Variants in INPP4A observed in about 807,000 individuals in gnomAD.
INPP4A encodes the protein inositol polyphosphate-4-phosphatase, type I, 107kD.
INPP4A carries 33 observed loss-of-function variants against 119.8 expected under a neutral mutation model. That is an observed-to-expected ratio of 0.28 (90% CI 0.21 to 0.37). The LOEUF is 0.37. Among genes scored for constraint, INPP4A ranks in the 10% least tolerant of loss-of-function variants. The pLI, the probability that INPP4A is intolerant of heterozygous loss-of-function variation, is 1.00. For synonymous variants in INPP4A, 496 were observed against 500.7 expected, an observed-to-expected ratio of 0.99 and a Z score of 0.12; for missense variants, 956 against 1,289.9, an observed-to-expected ratio of 0.74 and a Z score of 3.97.
At chr2:98,463,363 G>A (rs545954643) in intron 1 of INPP4A, among the ~76,000 whole-genome samples, 1 of 152,372 alleles carries the variant, frequency 6.6e-6, no homozygotes, top group East Asian at 1.9e-4. Context: ...CATTTCAGCT[G>A]TGATGGTGTC....
intron 20 of INPP4A, 45 bp from the exon 21 acceptor site, chr2:98,565,984 G>C (rs531791579): frequency 7.0e-6 from 11 of 1,574,612 alleles, no homozygotes; most frequent in African/African-American, 5.5e-5. Context: ...CTGCTCGGTG[G>C]CCCTCTGGCC....
At chr2:98,504,837 G>C (rs916798122) in intron 1 of INPP4A, among the ~76,000 whole-genome samples, 6 of 152,148 alleles carry the variant, frequency 3.9e-5, no homozygotes, top group Non-Finnish European at 1.5e-5. Flanking sequence ...TGCTCTTAAC[G>C]TGGCGCTGTA....
At chr2:98,567,661 TGCAAAGGGCA>T (rs1266808608) in intron 21 of INPP4A, among the ~76,000 whole-genome samples, 1 of 152,150 alleles carries the variant, frequency 6.6e-6, no homozygotes, top group Non-Finnish European at 1.5e-5. Context: ...AGAGAGGACT[TGCAAAGGGCA>T]GGTTCTTGAC....
chr2:98,490,414 A>G (rs1412982266), intron 1 of INPP4A, among the ~76,000 whole-genome samples: 1 of 151,938 alleles, frequency 6.6e-6, no homozygotes, highest in Non-Finnish European at 1.5e-5. Context: ...TTGTGTGAAG[A>G]CGAAGGTGCC....
chr2:98,456,784 T>C (rs899038819), intron 1 of INPP4A, among the ~76,000 whole-genome samples: 2 of 152,218 alleles, frequency 1.3e-5, no homozygotes, highest in Non-Finnish European at 2.9e-5. Flanking sequence ...TTTGTGACTA[T>C]TATTGTAGGT....
rs79548431 is a variant in INPP4A at position 98,544,338 on chromosome 2, A to C, written c.949+331A>C. ...CGAAATCCCGGGCTATTACTGCTTCATGTTGTTTCTTCATCTTGGACTAAT... is the reference window on the plus strand; with the variant it reads ...CGAAATCCCGGGCTATTACTGCTTCCTGTTGTTTCTTCATCTTGGACTAAT... On this transcript the variant is annotated intron_variant, in intron 11 of 24. Coordinates refer to ENST00000409851, the MANE Select transcript of INPP4A (RefSeq NM_001134225.2). Among the ~76,000 whole-genome samples the C allele has an allele frequency of 6.5e-4, 99 of 152,348 alleles. 2 individuals carry two copies. In the East Asian group the frequency reaches 0.01, roughly 15 times the overall value.
intron 10 of INPP4A, among the ~76,000 whole-genome samples, chr2:98,539,979 C>T (rs1174450169): frequency 6.6e-6 from 1 of 152,156 alleles, no homozygotes; most frequent in Admixed American, 6.5e-5. Flanking sequence ...GTCGCTCAGG[C>T]TGGAGTGCAG....
chr2:98,559,723 C>G (rs1216607489), intron 17 of INPP4A, among the ~76,000 whole-genome samples: 1 of 152,198 alleles, frequency 6.6e-6, no homozygotes, highest in African/African-American at 2.4e-5. Flanking sequence ...TTGTTTTACT[C>G]TTACATTCTA....
At chr2:98,487,941 T>C (rs546510003) in intron 1 of INPP4A, among the ~76,000 whole-genome samples, 5 of 152,336 alleles carry the variant, frequency 3.3e-5, no homozygotes, top group African/African-American at 1.2e-4. Flanking sequence ...TACCTTCCTG[T>C]GGCAGTGTTA....
intron 1 of INPP4A, among the ~76,000 whole-genome samples, chr2:98,481,626 G>T (rs1678486361): frequency 6.6e-6 from 1 of 152,162 alleles, no homozygotes; most frequent in Admixed American, 6.5e-5. Context: ...CAGATTAATG[G>T]GGAAGGAAGG....
intron 24 of INPP4A, among the ~76,000 whole-genome samples, chr2:98,582,902 G>C (rs1198584338): frequency 6.6e-6 from 1 of 151,144 alleles, no homozygotes; most frequent in East Asian, 2.0e-4. Context: ...ACCAGACACA[G>C]AAAGATCACC....
At chr2:98,495,633 A>C (rs1681769200) in intron 1 of INPP4A, among the ~76,000 whole-genome samples, 1 of 152,250 alleles carries the variant, frequency 6.6e-6, no homozygotes, top group Non-Finnish European at 1.5e-5. Context: ...ATGGGACTTC[A>C]GCTTATAGGT....
At position 98,572,885 on chromosome 2, in the gene INPP4A, C is replaced by T. The variant is rs1297184227; in HGVS notation, c.2589C>T (p.Ala863=). 3 of 1,580,568 alleles carry T rather than the reference C, an allele frequency of 1.9e-6. 1 individual carries two copies. The South Asian group carries it at 3.5e-5, about 18-fold the overall frequency. The change falls in exon 23 of 25, where the codon GCC becomes GCT. Residue 863 remains alanine, a synonymous_variant. Coordinates refer to ENST00000409851, the MANE Select transcript of INPP4A (RefSeq NM_001134225.2). Reference sequence around the variant, plus strand: ...GGTTTCTGGGTCAGAACGTGCATGCCCGGAAGAATAAGAACGTCGACATTC... The same window carrying T: ...GGTTTCTGGGTCAGAACGTGCATGCTCGGAAGAATAAGAACGTCGACATTC... The part of the protein sequence containing the change: ...LLRFLGQNVH[A]RKNKNVDILW...
intron 1 of INPP4A, among the ~76,000 whole-genome samples, chr2:98,456,874 T>C (rs1696230148): frequency 6.6e-6 from 1 of 152,246 alleles, no homozygotes; most frequent in South Asian, 2.1e-4. Flanking sequence ...TATTTAATTA[T>C]TCTTTAATTA....
intron 1 of INPP4A, among the ~76,000 whole-genome samples, chr2:98,483,810 AAGGTT>A (rs1465707985): frequency 1.6e-4 from 24 of 152,090 alleles, no homozygotes; most frequent in Non-Finnish European, 3.4e-4. Context: ...GTGGCTAGCC[AAGGTT>A]GCACATTGGC....
intron 24 of INPP4A, among the ~76,000 whole-genome samples, chr2:98,577,474 G>C (rs533432823): frequency 1.6e-3 from 238 of 152,380 alleles, no homozygotes; most frequent in South Asian, 9.5e-3. Context: ...TTGGCCACCT[G>C]CTGGCCGTGG....
At chr2:98,467,503 G>A (rs937669611) in intron 1 of INPP4A, among the ~76,000 whole-genome samples, 1 of 152,154 alleles carries the variant, frequency 6.6e-6, no homozygotes, top group Non-Finnish European at 1.5e-5. Flanking sequence ...CAATGTTAGC[G>A]ACACCGTCCA....
At chr2:98,522,763 C>A (rs774548349) in intron 4 of INPP4A, among the ~76,000 whole-genome samples, 4 of 151,484 alleles carry the variant, frequency 2.6e-5, no homozygotes, top group Admixed American at 6.6e-5. Flanking sequence ...CTGAAAACTT[C>A]CAGAAAGAAA....
chr2:98,545,107 G>A (rs192596493), intron 11 of INPP4A, among the ~76,000 whole-genome samples: 1 of 152,152 alleles, frequency 6.6e-6, no homozygotes, highest in Non-Finnish European at 1.5e-5. Flanking sequence ...CTCATGGTGC[G>A]GTCTGTGGAC....
Sources: allele counts gnomAD v4.1 joint callset (sites outside exome capture counted in the v4.1 genomes callset), GRCh38; gene constraint gnomAD v4.1.1; transcripts MANE v1.5; gene names NCBI Gene and HGNC (gene_info 2026-07-23, HGNC 2026-07-21).